DNTTIP1: variants seen among roughly 807,000 people sequenced by gnomAD.
DNTTIP1 encodes deoxynucleotidyltransferase terminal-interacting protein 1.
Under a neutral mutation model 52.9 loss-of-function variants are expected in DNTTIP1, and 22 were observed. The ratio of observed to expected loss-of-function variants is 0.42; its 90% CI spans 0.30 to 0.59. The LOEUF is 0.59. DNTTIP1 is among the 20% of genes least tolerant of loss of function. The probability of loss-of-function intolerance (pLI) is 0.22; values close to 1 mark genes in which losing one functional copy is unlikely to be tolerated. For synonymous variants in DNTTIP1, 136 were observed against 155.1 expected (o/e 0.88, Z 0.92); for missense variants, 286 against 435.5 (o/e 0.66, Z 3.06).
At chr20:45,796,503 G>C in intron 4 of DNTTIP1, 1 of 471,160 alleles carries the variant, frequency 2.1e-6, no homozygotes, top group Non-Finnish European at 4.4e-6. Flanking sequence ...GTATCATGGG[G>C]ATGAGCACCC....
intron 10 of DNTTIP1, 121 bp downstream of exon 10, chr20:45,805,487 G>A: frequency 1.9e-6 from 2 of 1,077,558 alleles, no homozygotes; most frequent in South Asian, 1.6e-5. Flanking sequence ...GGTTCTAGTT[G>A]TGCCTCTGCC....
rs1981416653 is a variant in DNTTIP1 at position 45,800,692 on chromosome 20, AAAATATATATATAT to A, written c.373-380_373-367del. ...TCCATCTCAATTTAAAAAAAAAAAA[AAAATATATATATAT>A]ATATATATATATATATATATATATA... On this transcript the variant is annotated intron_variant, in intron 4 of 12. Coordinates refer to ENST00000372622, the MANE Select transcript of DNTTIP1 (RefSeq NM_052951.3). Among the ~76,000 whole-genome samples the A allele has an allele frequency of 1.7e-3, 54 of 32,656 alleles. 4 individuals carry two copies. Among genetic ancestry groups the A allele is most frequent in the Admixed American group, 4.9e-3 (12 of 2,456 alleles). 21.4% of individuals were successfully genotyped at this position (32,656 alleles called of 152,430 possible). A position where few individuals can be genotyped will look rare whatever the true frequency, so the allele number is the denominator to read the frequency against.
intron 10 of DNTTIP1, among the ~76,000 whole-genome samples, chr20:45,806,842 A>T (rs1338896227): frequency 6.6e-6 from 1 of 152,088 alleles, no homozygotes; most frequent in Non-Finnish European, 1.5e-5. Context: ...TCCCACCCTT[A>T]TCTGCCTGAC....
chr20:45,800,822 C>T (rs745897969), intron 4 of DNTTIP1, among the ~76,000 whole-genome samples: 3 of 144,342 alleles, frequency 2.1e-5, no homozygotes, highest in Non-Finnish European at 4.5e-5. Flanking sequence ...GGTGAAATCC[C>T]GTCTCTTCCA....
Position 45,809,306 on chromosome 20 carries a change from GAGA to G in DNTTIP1, c.795+122_795+124del. The G allele has an allele frequency of 2.4e-6, 2 of 833,068 alleles. No individual in the cohort carries two copies. Among genetic ancestry groups the G allele is most frequent in the African/African-American group, 3.3e-5 (2 of 59,744 alleles). 51.6% of individuals were successfully genotyped at this position (833,068 alleles called of 1,614,324 possible). A position where few individuals can be genotyped will look rare whatever the true frequency, so the allele number is the denominator to read the frequency against. On this transcript the variant is annotated intron_variant, in intron 11 of 12. Transcript: ENST00000372622. This position sits in a 1 kb window ranked among gnomAD's most constrained non-coding sequence, Gnocchi z 4.2. ...CCAAAGCCTCACCAATGTGTGAGAA[GAGA>G]GACTTATAAGGCCTATTTCTTCATG...
At chr20:45,800,573 C>G (rs1459429575) in intron 4 of DNTTIP1, among the ~76,000 whole-genome samples, 1 of 149,972 alleles carries the variant, frequency 6.7e-6, no homozygotes, top group African/African-American at 2.5e-5. Flanking sequence ...GCCTGGGAGG[C>G]TGAGGCAGGA....
intron 7 of DNTTIP1, 153 bp from the exon 8 acceptor site, chr20:45,803,180 T>C (rs55794417): frequency 0.05 from 34,160 of 688,494 alleles, 1,019 homozygotes; most frequent in Middle Eastern, 0.086. Flanking sequence ...GTGCTTTTTT[T>C]CCCTTTGTTC....
chr20:45,811,271 A>T lies in DNTTIP1; in HGVS notation c.*76A>T. The T allele has an allele frequency of 6.6e-7, 1 of 1,522,114 alleles. No individual in the cohort carries two copies. The highest frequency in any genetic ancestry group is 8.8e-7 in the Non-Finnish European group (1 of 1,135,720). 94.3% of individuals were successfully genotyped at this position (1,522,114 alleles called of 1,614,324 possible). On this transcript the variant is annotated 3_prime_UTR_variant, in exon 13 of 13. Transcript: ENST00000372622. ...TCACGTGGCTGAGGCCACCGCTGGGACTGCTCCTAGATGGATCTCAGCGGC... is the reference window on the plus strand; with the variant it reads ...TCACGTGGCTGAGGCCACCGCTGGGTCTGCTCCTAGATGGATCTCAGCGGC...
chr20:45,799,429 C>T (rs759042352), intron 4 of DNTTIP1, among the ~76,000 whole-genome samples: 10 of 152,232 alleles, frequency 6.6e-5, no homozygotes, highest in Non-Finnish European at 1.2e-4. Flanking sequence ...GCTGCACCAT[C>T]TCCCCTCTGC....
intron 6 of DNTTIP1, among the ~76,000 whole-genome samples, chr20:45,801,668 G>A (rs1042705269): frequency 6.6e-6 from 1 of 152,040 alleles, no homozygotes; most frequent in Non-Finnish European, 1.5e-5. Flanking sequence ...CATTTCTGTC[G>A]TCCTAGCTAC....
intron 4 of DNTTIP1, among the ~76,000 whole-genome samples, chr20:45,800,655 CAA>C (rs1183487832): frequency 8.2e-6 from 1 of 121,866 alleles, no homozygotes. Context: ...GCCTGGGCGA[CAA>C]GAGTGAAACT....
In DNTTIP1 at chr20:45,811,140, A is replaced by G. The variant is rs1981831836; in HGVS notation, c.935A>G (p.Glu312Gly). The change falls in exon 13 of 13, where the codon GAG (glutamate) becomes GGG (glycine). Residue 312 changes from glutamate (E) to glycine (G), a missense_variant. Glu to Gly is a moderately conservative substitution (Grantham distance 98). Coordinates refer to ENST00000372622, the MANE Select transcript of DNTTIP1 (RefSeq NM_052951.3). ...WMVEKMRKYM[E>G]TLRTENEHRA... is the part of the protein sequence containing the mutation. ...GTGGAGAAGATGAGAAAGTATATGG[A>G]GACACTACGGACAGAGAATGAGCAT... is the stretch of plus-strand genomic sequence containing the variant. 6.2e-7 allele frequency: 1 copy of G among 1,614,158 alleles called. No individual in the cohort carries two copies. The highest frequency in any genetic ancestry group is 8.5e-7 in the Non-Finnish European group (1 of 1,180,012).
chr20:45,794,986 G>A (rs1981186947), intron 3 of DNTTIP1, among the ~76,000 whole-genome samples: 1 of 151,898 alleles, frequency 6.6e-6, no homozygotes, highest in Non-Finnish European at 1.5e-5. Flanking sequence ...TTTTAGTAGA[G>A]ACGGGGTTTC....
rs766552388 is a variant in DNTTIP1, at chr20:45,805,369, A to G, written c.723+3A>G. Reference sequence around the variant, plus strand: ...TCAAGCACCCACACCTCTTTAAGGTAGGTGACTGCTGGGAGGAAAGCAGGC... The same window carrying G: ...TCAAGCACCCACACCTCTTTAAGGTGGGTGACTGCTGGGAGGAAAGCAGGC... On this transcript the variant is annotated splice_donor_region_variant and intron_variant, in intron 10 of 12. Transcript: ENST00000372622. The G allele has an allele frequency of 6.2e-7, 1 of 1,614,006 alleles. No homozygotes were observed. Among genetic ancestry groups the G allele is most frequent in the Non-Finnish European group, 8.5e-7 (1 of 1,179,966 alleles).
intron 4 of DNTTIP1, among the ~76,000 whole-genome samples, chr20:45,799,920 A>C (rs938813767): frequency 3.3e-5 from 5 of 150,260 alleles, no homozygotes; most frequent in African/African-American, 9.8e-5. Context: ...AGCCTAGCCA[A>C]CGTGATAAAA....
chr20:45,803,123 T>C, intron 7 of DNTTIP1: 1 of 539,880 alleles, frequency 1.9e-6, no homozygotes, highest in Non-Finnish European at 3.3e-6. Flanking sequence ...GAGTTGCTCA[T>C]GCCACTATGT....
intron 10 of DNTTIP1, 33 bp downstream of exon 10, chr20:45,805,399 G>T (rs778251119): frequency 6.2e-7 from 1 of 1,608,912 alleles, no homozygotes; most frequent in Non-Finnish European, 8.5e-7. Flanking sequence ...GCAGGCCATT[G>T]CATTGGGAGT....
Position 45,796,400 on chromosome 20 carries a change from A to T in DNTTIP1, c.372+957A>T, listed in dbSNP as rs1454172315. On this transcript the variant is annotated intron_variant, in intron 4 of 12. Transcript: ENST00000372622. ...TTAAAAGCAAAGCAAAAAAAAAAAAAGAAATGGCTTAAGACACATAATAAT... is the reference window on the plus strand; with the variant it reads ...TTAAAAGCAAAGCAAAAAAAAAAAATGAAATGGCTTAAGACACATAATAAT... 7.3e-6 allele frequency: 3 copies of T among 413,010 alleles called. No individual in the cohort carries two copies. In the East Asian group the frequency reaches 2.2e-4, roughly 30 times the overall value. 25.6% of individuals were successfully genotyped at this position (413,010 alleles called of 1,614,324 possible).
In DNTTIP1 at chr20:45,795,451, C is replaced by G. The variant is rs1981206993; in HGVS notation, c.372+8C>G. ...CGGAGCTGCCTGGAGCAGGTGAGAC[C>G]AAAGGGGACAAGAGATGCAGGCACA... On this transcript the variant is annotated splice_region_variant and intron_variant, in intron 4 of 12. Transcript: ENST00000372622. The G allele has an allele frequency of 6.4e-7, 1 of 1,567,530 alleles. No homozygotes were observed. The highest frequency in any genetic ancestry group is 1.4e-5 in the African/African-American group (1 of 73,886).
Sources: gnomAD v4.1 joint callset for allele counts (sites outside exome capture counted in the v4.1 genomes callset) on GRCh38, gnomAD v4.1.1 for gene constraint, Gnocchi (gnomAD v3.1) non-coding constraint, MANE v1.5 for transcripts, NCBI Gene and HGNC (gene_info 2026-07-23, HGNC 2026-07-21) for gene names.